The following OSBPL8 variants were observed in gnomAD, a reference collection of about 807,000 sequenced individuals.
OSBPL8 encodes the protein oxysterol binding protein like 8.
A neutral mutation model predicts 125.5 loss-of-function variants in OSBPL8; 59 were observed. The observed-to-expected ratio is 0.47, with a 90% confidence interval of 0.38 to 0.58. OSBPL8 has a LOEUF of 0.58. Ranked by LOEUF, OSBPL8 falls within the 20% of genes least tolerant of loss-of-function variation. The probability of loss-of-function intolerance (pLI) is 0.00; values close to 1 mark genes in which losing one functional copy is unlikely to be tolerated. For synonymous variants in OSBPL8, 330 were observed against 338.9 expected (o/e 0.97, Z 0.29); for missense variants, 758 against 1,047.8 (o/e 0.72, Z 3.82).
At chr12:76,392,831 A>G in intron 9 of OSBPL8, 79 bp from the exon 10 acceptor site, 1 of 1,380,238 alleles carries the variant, frequency 7.2e-7, no homozygotes, top group Non-Finnish European at 9.8e-7. Flanking sequence ...CCCTGTTACC[A>G]CTATTTCTTT....
chr12:76,362,619 C>A (rs1157296564), intron 21 of OSBPL8, among the ~76,000 whole-genome samples: 1 of 152,162 alleles, frequency 6.6e-6, no homozygotes, highest in Non-Finnish European at 1.5e-5. Flanking sequence ...TGAAAACCAG[C>A]ACAAGACAAG....
chr12:76,464,107 T>C (rs1823998505), intron 2 of OSBPL8, among the ~76,000 whole-genome samples: 1 of 152,208 alleles, frequency 6.6e-6, no homozygotes, highest in Admixed American at 6.5e-5. Context: ...CAAGAACAGC[T>C]TCTCAGTTTA....
intron 1 of OSBPL8, among the ~76,000 whole-genome samples, chr12:76,492,173 T>C (rs1014677886): frequency 6.6e-6 from 1 of 152,078 alleles, no homozygotes; most frequent in African/African-American, 2.4e-5. Context: ...AGGATGGCCA[T>C]AGTAGGTGTC....
chr12:76,358,804 A>G lies in OSBPL8; in HGVS notation c.2336T>C (p.Val779Ala), dbSNP rs761917452. The G allele has an allele frequency of 6.2e-7, 1 of 1,613,358 alleles. No homozygotes were observed. Among genetic ancestry groups the G allele is most frequent in the East Asian group, 2.2e-5 (1 of 44,842 alleles). The change falls in exon 22 of 24, where the codon GTC becomes GCC. Residue 779 changes from valine (V) to alanine (A), a missense_variant. Around this residue, in one of 3 missense-constraint regions of OSBPL8, gnomAD observed 572 missense variants for 762.0 expected, o/e 0.75. Transcript: ENST00000261183. ...GGTTGGCTTATGTTTCATTTTGGGG[A>G]CGCTAACCTAAAGAAAAAAATAACT... ...KVKHRTPMVS[V>A]PKMKHKPTRQ...
At chr12:76,439,146 C>T (rs978770998) in intron 4 of OSBPL8, among the ~76,000 whole-genome samples, 5 of 152,172 alleles carry the variant, frequency 3.3e-5, no homozygotes, top group Admixed American at 1.3e-4. Context: ...TTTGGGAGGC[C>T]GAGGTGTGCA....
chr12:76,458,418 G>A (rs34618685), intron 3 of OSBPL8, among the ~76,000 whole-genome samples: 26,640 of 151,176 alleles, frequency 0.18, 2,912 homozygotes, highest in Non-Finnish European at 0.26. Flanking sequence ...GGCTAGGCAC[G>A]GTGGCTCACA....
Position 76,370,752 on chromosome 12 carries a change from A to G in OSBPL8, c.2054+696T>C, listed in dbSNP as rs374188122. Among the ~76,000 whole-genome samples the G allele has an allele frequency of 2.0e-3, 310 of 152,294 alleles. 2 individuals carry two copies. Among genetic ancestry groups the G allele is most frequent in the Non-Finnish European group, 3.0e-3 (203 of 68,004 alleles). On this transcript the variant is annotated intron_variant, in intron 19 of 23. Coordinates refer to ENST00000261183, the MANE Select transcript of OSBPL8 (RefSeq NM_020841.5). ...CAAATTTGAGTGTAGAAGGGAAGGT[A>G]CACAGACTTGAATTCCCATGACAGA...
At chr12:76,521,075 A>T (rs1235046855) in intron 1 of OSBPL8, among the ~76,000 whole-genome samples, 1 of 152,186 alleles carries the variant, frequency 6.6e-6, no homozygotes, top group African/African-American at 2.4e-5. Flanking sequence ...TCCTAAAAGC[A>T]CTTCTTATAT....
At chr12:76,444,964 A>G (rs2136685102) in intron 4 of OSBPL8, among the ~76,000 whole-genome samples, 1 of 152,326 alleles carries the variant, frequency 6.6e-6, no homozygotes, top group Non-Finnish European at 1.5e-5. Flanking sequence ...TTCACTTAAA[A>G]TTTTATATTT....
chr12:76,497,610 T>C (rs1592791444), intron 1 of OSBPL8, among the ~76,000 whole-genome samples: 1 of 152,236 alleles, frequency 6.6e-6, no homozygotes, highest in East Asian at 1.9e-4. Flanking sequence ...TATGTTTTAA[T>C]ATTAGCTTCT....
At chr12:76,393,941 A>C (rs1015378941) in intron 9 of OSBPL8, among the ~76,000 whole-genome samples, 14 of 151,974 alleles carry the variant, frequency 9.2e-5, no homozygotes, top group African/African-American at 3.4e-4. Context: ...AATCACTTAT[A>C]CCAGGGAGTC....
At chr12:76,424,826 G>C (rs1869954860) in intron 4 of OSBPL8, among the ~76,000 whole-genome samples, 1 of 151,910 alleles carries the variant, frequency 6.6e-6, no homozygotes, top group Non-Finnish European at 1.5e-5. Flanking sequence ...ATCAAGAAAA[G>C]GGGTATTTTA....
At chr12:76,518,300 C>T (rs1881747079) in intron 1 of OSBPL8, among the ~76,000 whole-genome samples, 1 of 152,212 alleles carries the variant, frequency 6.6e-6, no homozygotes, top group Non-Finnish European at 1.5e-5. Context: ...CAACATAATC[C>T]TTGACTTCAT....
chr12:76,541,639 G>A (rs1291264237), intron 1 of OSBPL8, among the ~76,000 whole-genome samples: 2 of 152,156 alleles, frequency 1.3e-5, no homozygotes. Flanking sequence ...CAGATCACCT[G>A]AGGTCAGGAG....
chr12:76,410,549 C>T lies in OSBPL8; in HGVS notation c.288+15G>A. Reference sequence around the variant, plus strand: ...AGAATATGTCATAATCATGTATTTGCTTATATATGCTTACCTTGCTCTTTG... The same window carrying T: ...AGAATATGTCATAATCATGTATTTGTTTATATATGCTTACCTTGCTCTTTG... On this transcript the variant is annotated intron_variant, in intron 5 of 23. Transcript: ENST00000261183. The T allele has an allele frequency of 6.5e-7, 1 of 1,545,522 alleles. No individual in the cohort carries two copies. The highest frequency in any genetic ancestry group is 8.9e-7 in the Non-Finnish European group (1 of 1,122,130).
At chr12:76,485,002 C>T (rs1877968223) in intron 2 of OSBPL8, among the ~76,000 whole-genome samples, 1 of 152,030 alleles carries the variant, frequency 6.6e-6, no homozygotes. Flanking sequence ...CTCACTGCAA[C>T]CTCTGCCTCC....
At chr12:76,366,573 T>G (rs1296883428) in intron 21 of OSBPL8, 1 of 450,276 alleles carries the variant, frequency 2.2e-6, no homozygotes, top group East Asian at 7.0e-5. Flanking sequence ...ATTTTCTTCT[T>G]CTGCTAGCTT....
intron 4 of OSBPL8, among the ~76,000 whole-genome samples, chr12:76,415,224 TTC>T (rs1250820024): frequency 1.3e-5 from 2 of 151,870 alleles, no homozygotes; most frequent in African/African-American, 4.8e-5. Context: ...CTAGTTTAAT[TTC>T]TGTTTTTCTT....
Position 76,390,587 on chromosome 12 carries a change from CTTTATCAGA to C in OSBPL8, c.991_999del (p.Ser331_Lys333del). On this transcript the variant is annotated inframe_deletion, in exon 11 of 24. Transcript: ENST00000261183. ...GACTCATCATGTTCTTGATCATTTT[CTTTATCAGA>C]TTTATCAGAATACATATCTTGGTCC... 1.2e-6 allele frequency: 2 copies of C among 1,613,722 alleles called. No homozygotes were observed. The highest frequency in any genetic ancestry group is 8.5e-7 in the Non-Finnish European group (1 of 1,179,816).
Sources: allele counts gnomAD v4.1 joint callset (sites outside exome capture counted in the v4.1 genomes callset), GRCh38; gene constraint gnomAD v4.1.1; regional missense constraint gnomAD v4.1.1; transcripts MANE v1.5; gene names NCBI Gene and HGNC (gene_info 2026-07-23, HGNC 2026-07-21).